Variants in MAK16 observed in about 807,000 individuals in gnomAD.
MAK16 encodes the protein protein MAK16 homolog.
A neutral mutation model predicts 49.9 loss-of-function variants in MAK16; 12 were observed. That is an observed-to-expected ratio of 0.24 (90% CI 0.15 to 0.39). The LOEUF (loss-of-function observed/expected upper bound fraction) is 0.39. Among genes scored for constraint, MAK16 ranks in the 10% least tolerant of loss-of-function variants. The pLI is 1.00. For synonymous variants in MAK16, 115 were observed against 126.4 expected (o/e 0.91, Z 0.60); for missense variants, 292 against 363.7 (o/e 0.80, Z 1.60).
chr8:33,488,226 C>G, intron 1 of MAK16, 152 bp from the exon 2 acceptor site: 1 of 871,312 alleles, frequency 1.1e-6, no homozygotes, highest in Non-Finnish European at 1.8e-6. Context: ...CCGTGCCCGG[C>G]CTTGCTGTTT....
At position 33,488,616 on chromosome 8, in the gene MAK16, TAAAG is replaced by T; in HGVS notation, c.165_168del (p.Glu56ArgfsTer9). 1 of 1,614,106 alleles carries T rather than the reference TAAAG, an allele frequency of 6.2e-7. No homozygotes were observed. The stretch of plus-strand genomic sequence containing the variant: ...TGGCAAATAGTCAGTATGCCACTAT[TAAAG>T]AAGAGAAAGGTAACTCCCCAGTTTT... On this transcript the variant is annotated frameshift_variant, in exon 3 of 10. Transcript: ENST00000360128. LOFTEE classifies it high-confidence loss of function.
rs766453428 is a variant in MAK16, at chr8:33,500,536, T to C, written c.*1907T>C. 5 of 1,607,902 alleles carry C rather than the reference T, an allele frequency of 3.1e-6. No individual in the cohort carries two copies. Among genetic ancestry groups the C allele is most frequent in the East Asian group, 2.2e-5 (1 of 44,792 alleles). ...TATGTTCATACTCTAAATCTGGATA[T>C]TAAAATTGGAAGAGACTTCAAAGAC... On this transcript the variant is annotated 3_prime_UTR_variant, in exon 10 of 10. Coordinates refer to ENST00000360128, the MANE Select transcript of MAK16 (RefSeq NM_032509.4).
In MAK16 at chr8:33,498,955, C is replaced by T; in HGVS notation, c.*326C>T. 1 of 589,342 alleles carries T rather than the reference C, an allele frequency of 1.7e-6. No individual in the cohort carries two copies. The highest frequency in any genetic ancestry group is 3.0e-6 in the Non-Finnish European group (1 of 334,866). 36.5% of individuals were successfully genotyped at this position (589,342 alleles called of 1,614,324 possible). On this transcript the variant is annotated 3_prime_UTR_variant, in exon 10 of 10. Coordinates refer to ENST00000360128, the MANE Select transcript of MAK16 (RefSeq NM_032509.4). Reference sequence around the variant, plus strand: ...TTTTAAATGCTACATTACTTGGTGTCCTTTTTTCTCCCAAACTTTATTTAG... The same window carrying T: ...TTTTAAATGCTACATTACTTGGTGTTCTTTTTTCTCCCAAACTTTATTTAG...
At chr8:33,495,455 A>G (rs1168791446) in intron 6 of MAK16, 87 bp from the exon 7 acceptor site, 32 of 1,127,790 alleles carry the variant, frequency 2.8e-5, no homozygotes, top group Non-Finnish European at 3.9e-5. Flanking sequence ...TGTCTTTCTT[A>G]TAAACAACTT....
intron 6 of MAK16, among the ~76,000 whole-genome samples, chr8:33,493,315 G>A (rs147358172): frequency 2.0e-4 from 30 of 152,166 alleles, no homozygotes; most frequent in Admixed American, 3.3e-4. Context: ...CACCACACCC[G>A]GCTAATTTTT....
intron 5 of MAK16, among the ~76,000 whole-genome samples, chr8:33,490,002 C>T (rs765937564): frequency 3.3e-5 from 5 of 151,992 alleles, no homozygotes; most frequent in Non-Finnish European, 5.9e-5. Context: ...CAAAAATGGC[C>T]GGATTAAAAT....
chr8:33,491,016 A>C (rs6468170), intron 6 of MAK16, among the ~76,000 whole-genome samples: 2,288 of 152,250 alleles, frequency 0.015, 70 homozygotes, highest in African/African-American at 0.052. Flanking sequence ...GATCCCACAA[A>C]TAAGTGAAAA....
intron 3 of MAK16, 52 bp from the exon 4 acceptor site, chr8:33,488,682 A>T (rs1808724855): frequency 1.2e-6 from 2 of 1,611,462 alleles, no homozygotes; most frequent in African/African-American, 1.3e-5. Context: ...TTTTACAGGG[A>T]TGTTCTTTAG....
intron 1 of MAK16, among the ~76,000 whole-genome samples, chr8:33,486,126 C>T (rs1808683325): frequency 6.6e-6 from 1 of 152,114 alleles, no homozygotes; most frequent in African/African-American, 2.4e-5. Flanking sequence ...CTTGCCAGGG[C>T]GAGGTCATGC....
At chr8:33,492,661 C>G in intron 6 of MAK16, among the ~76,000 whole-genome samples, 1 of 152,002 alleles carries the variant, frequency 6.6e-6, no homozygotes, top group South Asian at 2.1e-4. Context: ...CTGTCTTTTC[C>G]CTAGTGTATG....
At position 33,488,114 on chromosome 8, in the gene MAK16, A is replaced by G. The variant is rs2676399; in HGVS notation, c.16-264A>G. On this transcript the variant is annotated intron_variant, in intron 1 of 9. Coordinates refer to ENST00000360128, the MANE Select transcript of MAK16 (RefSeq NM_032509.4). ...CAGCTAATTTTGTATTTTTAATATA[A>G]ACAGGGTTTCTCCATGTTAATCAGG... 0.64 allele frequency among the ~76,000 whole-genome samples: 96,715 copies of G among 151,946 alleles called. 31,092 individuals are homozygous for G. The highest frequency in any genetic ancestry group is 0.68 in the African/African-American group (28,251 of 41,460).
rs371230689 is a variant in MAK16, at chr8:33,492,137, G to A, written c.447+1798G>A. Among the ~76,000 whole-genome samples, 13 of 151,892 alleles carry A rather than the reference G, an allele frequency of 8.6e-5. No individual in the cohort carries two copies. In the East Asian group the frequency reaches 2.3e-3, roughly 27 times the overall value. On this transcript the variant is annotated intron_variant, in intron 6 of 9. Transcript: ENST00000360128. ...CGATTCTTGTGCCTCAGCCTCCCAA[G>A]TAGCTGGGATGCCAGGTGTGCACCA...
Position 33,496,719 on chromosome 8 carries a change from A to G in MAK16, c.617A>G (p.Asp206Gly). 6.4e-7 allele frequency: 1 copy of G among 1,572,106 alleles called. No homozygotes were observed. Among genetic ancestry groups the G allele is most frequent in the Non-Finnish European group, 8.7e-7 (1 of 1,148,760 alleles). Residue 206 changes from aspartate to glycine, a missense_variant, in exon 8 of 10, where the codon GAT becomes GGT. Asp to Gly is a moderately conservative substitution (Grantham distance 94). Transcript: ENST00000360128. ...GACTCTTCAGATACTGAGGAAAAAG[A>G]TGATGATGATGATGATGAGGAAGTA... The part of the protein sequence containing the change: ...ESDSSDTEEK[D>G]DDDDDEEDVG...
At chr8:33,488,933 A>C in intron 4 of MAK16, 55 bp from the exon 5 acceptor site, 2 of 1,610,246 alleles carry the variant, frequency 1.2e-6, no homozygotes, top group Middle Eastern at 1.7e-4. Flanking sequence ...CTGACAGTGA[A>C]AACCTAATGA....
chr8:33,490,312 G>C lies in MAK16; in HGVS notation c.420G>C (p.Lys140Asn). Residue 140 changes from lysine (K) to asparagine (N), a missense_variant, in exon 6 of 10, where the codon AAG becomes AAC. Coordinates refer to ENST00000360128, the MANE Select transcript of MAK16 (RefSeq NM_032509.4). ...GGAAACTTGTTCCTTTGAGTAAGAA[G>C]GTGGAGCGTAGGGAGAAAAGAAGAG... ...RQRKLVPLSK[K>N]VERREKRREE... The C allele has an allele frequency of 1.2e-6, 2 of 1,613,150 alleles. No individual in the cohort carries two copies. Among genetic ancestry groups the C allele is most frequent in the Non-Finnish European group, 1.7e-6 (2 of 1,179,224 alleles).
chr8:33,497,651 C>G (rs1452040017), intron 9 of MAK16, among the ~76,000 whole-genome samples: 1 of 151,922 alleles, frequency 6.6e-6, no homozygotes. Flanking sequence ...TGCCACTCCA[C>G]CCGGCTAATT....
chr8:33,488,808 A>G lies in MAK16; in HGVS notation c.240+10A>G. On this transcript the variant is annotated intron_variant, in intron 4 of 9. Transcript: ENST00000360128. ...GCGTCTCTGGGAACGGGTAAGCCTT[A>G]CAACAAAACTACAGTGACCGCTGAT... 4.3e-6 allele frequency: 7 copies of G among 1,614,076 alleles called. No individual in the cohort carries two copies. Among genetic ancestry groups the G allele is most frequent in the Non-Finnish European group, 5.9e-6 (7 of 1,179,922 alleles).
At chr8:33,490,239 C>T (rs1450246540) in intron 5 of MAK16, 46 bp from the exon 6 acceptor site, 1 of 1,486,126 alleles carries the variant, frequency 6.7e-7, no homozygotes, top group South Asian at 1.2e-5. Context: ...TAAAAAGGAA[C>T]ACAGCACATG....
chr8:33,491,410 G>A (rs2128823910), intron 6 of MAK16, among the ~76,000 whole-genome samples: 1 of 152,080 alleles, frequency 6.6e-6, no homozygotes, highest in East Asian at 1.9e-4. Context: ...GTGCACAAGG[G>A]TTCCCTTTCT....
Sources: allele counts gnomAD v4.1 joint callset (sites outside exome capture counted in the v4.1 genomes callset), GRCh38; gene constraint gnomAD v4.1.1; transcripts MANE v1.5; gene names NCBI Gene and HGNC (gene_info 2026-07-23, HGNC 2026-07-21).